CACNA2D3: variants seen among roughly 807,000 people sequenced by gnomAD.
CACNA2D3 encodes the protein calcium voltage-gated channel auxiliary subunit alpha2delta 3, also known as voltage-dependent calcium channel subunit alpha-2/delta-3.
CACNA2D3 carries 60 observed loss-of-function variants against 160.6 expected under a neutral mutation model. The observed-to-expected ratio is 0.37, with a 90% CI of 0.30 to 0.46. The LOEUF is 0.46. CACNA2D3 is among the 20% of genes least tolerant of loss of function. The pLI is 1.00. For synonymous variants in CACNA2D3, 558 were observed against 492.9 expected (o/e 1.13, Z -1.75); for missense variants, 1,205 against 1,365.0 (o/e 0.88, Z 1.85).
intron 6 of CACNA2D3, among the ~76,000 whole-genome samples, chr3:54,569,332 A>G (rs1003023428): frequency 1.3e-5 from 2 of 152,208 alleles, no homozygotes; most frequent in African/African-American, 4.8e-5. Context: ...AGACCCGTGT[A>G]TATCCTTAGT....
At chr3:54,818,777 C>T (rs1451682422) in intron 14 of CACNA2D3, among the ~76,000 whole-genome samples, 2 of 152,200 alleles carry the variant, frequency 1.3e-5, no homozygotes, top group East Asian at 3.8e-4. Flanking sequence ...CCTTCTGTTC[C>T]TATCATGGCT....
chr3:54,660,651 CTACT>C (rs1253587882), intron 11 of CACNA2D3, among the ~76,000 whole-genome samples: 1 of 152,172 alleles, frequency 6.6e-6, no homozygotes, highest in Non-Finnish European at 1.5e-5. Context: ...ATTATCTGCC[CTACT>C]TACCTTACCT....
At chr3:54,843,742 A>T (rs1203214368) in intron 16 of CACNA2D3, among the ~76,000 whole-genome samples, 1 of 152,216 alleles carries the variant, frequency 6.6e-6, no homozygotes, top group Non-Finnish European at 1.5e-5. Flanking sequence ...CTATTGAATT[A>T]ATATAGTAGT....
chr3:54,171,159 A>G (rs1234369357), intron 2 of CACNA2D3, among the ~76,000 whole-genome samples: 4 of 10,984 alleles, frequency 3.6e-4, no homozygotes, highest in East Asian at 0.023. Context: ...TTTTTTTTTT[A>G]GGAATAGCTA....
intron 29 of CACNA2D3, among the ~76,000 whole-genome samples, chr3:54,982,043 G>T (rs1283112039): frequency 6.6e-6 from 1 of 151,928 alleles, no homozygotes; most frequent in Non-Finnish European, 1.5e-5. Context: ...GTAGTGAAGG[G>T]ATGTTTTCTG....
intron 3 of CACNA2D3, among the ~76,000 whole-genome samples, chr3:54,364,266 C>T (rs1210176232): frequency 6.6e-6 from 1 of 152,190 alleles, no homozygotes; most frequent in African/African-American, 2.4e-5. Flanking sequence ...TGAAACATGG[C>T]CCTGTTTTCA....
At chr3:54,712,377 A>G (rs891339391) in intron 11 of CACNA2D3, among the ~76,000 whole-genome samples, 2 of 152,004 alleles carry the variant, frequency 1.3e-5, no homozygotes, top group African/African-American at 4.8e-5. Context: ...ACCCATCTTG[A>G]ATTGTAACTC....
intron 2 of CACNA2D3, among the ~76,000 whole-genome samples, chr3:54,286,842 A>G (rs1414646715): frequency 6.6e-6 from 1 of 152,034 alleles, no homozygotes; most frequent in East Asian, 1.9e-4. Flanking sequence ...TCGTAAGTGA[A>G]GGAGAAATAA....
Position 54,500,867 on chromosome 3 carries a change from A to G in CACNA2D3, c.382-2625A>G, listed in dbSNP as rs114174692. ...GCCATTTGTGCTGCTACAACAGAAT[A>G]CCTGAGACTTTATAAATTCTTCTTA... On this transcript the variant is annotated intron_variant, in intron 4 of 37. Coordinates refer to ENST00000474759, the MANE Select transcript of CACNA2D3 (RefSeq NM_018398.3). Among the ~76,000 whole-genome samples the G allele has an allele frequency of 4.8e-3, 734 of 152,316 alleles. 4 individuals are homozygous for G. Among genetic ancestry groups the G allele is most frequent in the Middle Eastern group, 0.014 (4 of 294 alleles).
intron 14 of CACNA2D3, among the ~76,000 whole-genome samples, chr3:54,819,811 C>T (rs1703546335): frequency 6.6e-6 from 1 of 152,142 alleles, no homozygotes; most frequent in Non-Finnish European, 1.5e-5. Flanking sequence ...CACTACTGCA[C>T]TCCAGCCTGG....
chr3:54,203,017 T>C (rs1456643569), intron 2 of CACNA2D3, among the ~76,000 whole-genome samples: 2 of 152,194 alleles, frequency 1.3e-5, no homozygotes, highest in Non-Finnish European at 2.9e-5. Context: ...GTGACACACA[T>C]GTAGAGCTTC....
At chr3:54,153,302 C>T (rs1478562689) in intron 2 of CACNA2D3, among the ~76,000 whole-genome samples, 1 of 152,172 alleles carries the variant, frequency 6.6e-6, no homozygotes, top group East Asian at 1.9e-4. Context: ...CAGCAGCCTG[C>T]CTGAATCCTT....
intron 4 of CACNA2D3, among the ~76,000 whole-genome samples, chr3:54,399,818 G>A (rs1326053703): frequency 1.7e-5 from 2 of 120,456 alleles, no homozygotes; most frequent in African/African-American, 6.5e-5. Context: ...GAGGCAGGCA[G>A]GCCTCCTTGA....
chr3:54,190,364 T>C (rs1272071766), intron 2 of CACNA2D3, among the ~76,000 whole-genome samples: 2 of 152,208 alleles, frequency 1.3e-5, no homozygotes, highest in Non-Finnish European at 2.9e-5. Context: ...TAAATCTGCT[T>C]TCCTCTGTAG....
chr3:54,380,887 C>T (rs748641417), intron 3 of CACNA2D3, among the ~76,000 whole-genome samples: 1 of 152,154 alleles, frequency 6.6e-6, no homozygotes, highest in East Asian at 1.9e-4. Context: ...AAGGAAAAGT[C>T]ATGTGATCTC....
chr3:54,426,203 T>G (rs1243209110), intron 4 of CACNA2D3, among the ~76,000 whole-genome samples: 1 of 152,210 alleles, frequency 6.6e-6, no homozygotes, highest in African/African-American at 2.4e-5. Context: ...CACATTATTA[T>G]TTTATTCTGA....
intron 5 of CACNA2D3, among the ~76,000 whole-genome samples, chr3:54,541,278 G>GAAAAAAAAAAAAAAAAAA (rs141900915): frequency 2.4e-5 from 2 of 81,736 alleles, no homozygotes; most frequent in African/African-American, 1.0e-4. Flanking sequence ...CTCCGTCTCA[G>GAAAAAAAAAAAAAAAAAA]AAAAAAAAAA....
At chr3:54,984,965 G>A (rs1702583946) in intron 30 of CACNA2D3, among the ~76,000 whole-genome samples, 1 of 152,272 alleles carries the variant, frequency 6.6e-6, no homozygotes, top group South Asian at 2.1e-4. Flanking sequence ...AGTTGTCTGT[G>A]CCACATAAAG....
chr3:55,015,950 C>A (rs1052153824), intron 34 of CACNA2D3, among the ~76,000 whole-genome samples: 1 of 152,224 alleles, frequency 6.6e-6, no homozygotes, highest in Admixed American at 6.5e-5. Context: ...ATTCACCTTA[C>A]CCTCCATCTG....
Sources: allele counts gnomAD v4.1 joint callset (sites outside exome capture counted in the v4.1 genomes callset), GRCh38; gene constraint gnomAD v4.1.1; transcripts MANE v1.5; gene names NCBI Gene and HGNC (gene_info 2026-07-23, HGNC 2026-07-21).